Variants in SLC27A6 observed in about 807,000 individuals in gnomAD.
SLC27A6 encodes the protein long-chain fatty acid transport protein 6.
In SLC27A6, 74 loss-of-function variants were observed where a neutral mutation model predicts 63.9. The ratio of observed to expected loss-of-function variants is 1.16; its 90% confidence interval spans 0.96 to 1.40. The LOEUF (loss-of-function observed/expected upper bound fraction) is 1.40. SLC27A6 is among the 40% of genes most tolerant of loss of function. The pLI is 0.00. For missense variants in SLC27A6, 794 were observed against 732.9 expected (o/e 1.08, Z -0.96); for synonymous variants, 287 against 260.8 (o/e 1.10, Z -0.97).
chr5:129,003,828 T>C (rs1428260178), intron 4 of SLC27A6, among the ~76,000 whole-genome samples: 1 of 151,220 alleles, frequency 6.6e-6, no homozygotes, highest in Non-Finnish European at 1.5e-5. Context: ...ATTAGCTAGG[T>C]GTGGTGGTGC....
intron 3 of SLC27A6, among the ~76,000 whole-genome samples, chr5:128,989,448 A>G (rs912100013): frequency 6.6e-6 from 1 of 152,248 alleles, no homozygotes; most frequent in African/African-American, 2.4e-5. Context: ...AAAATGCTGT[A>G]ATTTTTAGAA....
Position 128,966,206 on chromosome 5 carries a change from G to A in SLC27A6, c.69G>A (p.Leu23=). Residue 23 remains leucine, a synonymous_variant, in exon 1 of 10, where the codon CTG becomes CTA. Transcript: ENST00000262462. ...MVVLHFLQKL[L]FPYFWDDFWF... is the part of the protein sequence containing the mutation. Reference sequence around the variant, plus strand: ...TCCTGCACTTCTTGCAGAAACTCCTGTTCCCTTACTTTTGGGATGACTTCT... The same window carrying A: ...TCCTGCACTTCTTGCAGAAACTCCTATTCCCTTACTTTTGGGATGACTTCT... The A allele has an allele frequency of 6.2e-7, 1 of 1,606,898 alleles. No homozygotes were observed. The highest frequency in any genetic ancestry group is 1.3e-5 in the African/African-American group (1 of 74,750).
intron 1 of SLC27A6, among the ~76,000 whole-genome samples, chr5:128,975,732 G>A (rs17699243): frequency 0.07 from 10,601 of 152,214 alleles, 1,221 homozygotes; most frequent in East Asian, 0.56. Flanking sequence ...ATATCATGAT[G>A]TGTATTTCTC....
Position 129,015,892 on chromosome 5 carries a change from G to A in SLC27A6, c.977G>A (p.Gly326Glu), listed in dbSNP as rs141840840. Residue 326 changes from glycine to glutamate, a missense_variant, in exon 5 of 10, where the codon GGA becomes GAA. Transcript: ENST00000262462. ...RYLCKQSKRE[G>E]EKDHKVRLAI... ...AACATTTTCTTCTAACAGAGAGAAG[G>A]AGAAAAGGATCATAAGGTGCGTTTG... 3.2e-6 allele frequency: 5 copies of A among 1,581,208 alleles called. No homozygotes were observed. The highest frequency in any genetic ancestry group is 4.3e-6 in the Non-Finnish European group (5 of 1,169,022).
chr5:128,994,140 C>A (rs1384165633), intron 4 of SLC27A6, among the ~76,000 whole-genome samples: 1 of 151,730 alleles, frequency 6.6e-6, no homozygotes, highest in Admixed American at 6.6e-5. Context: ...GCACTCCAGC[C>A]TGGGTGACAG....
chr5:129,023,629 A>G lies in SLC27A6; in HGVS notation c.1174A>G (p.Thr392Ala). 6.3e-7 allele frequency: 1 copy of G among 1,598,476 alleles called. No homozygotes were observed. The highest frequency in any genetic ancestry group is 1.4e-5 in the African/African-American group (1 of 73,606). Reference protein sequence around the residue: ...RTNLFYKLLSTFDLIKYDFQK... With the variant: ...RTNLFYKLLSAFDLIKYDFQK... ...ATTTTTTTTTTTGCAGCTTCTTTCC[A>G]CTTTTGACTTAATAAAGTATGACTT... The change falls in exon 6 of 10, where the codon ACT becomes GCT. Residue 392 changes from threonine to alanine, a missense_variant. Transcript: ENST00000262462.
chr5:128,986,514 T>C lies in SLC27A6; in HGVS notation c.685+1178T>C, dbSNP rs181642248. ...CAACTATTGCATAGTAAAATTTTTCTTACATTTTAAAAATCTATTCAGTTC... is the reference window on the plus strand; with the variant it reads ...CAACTATTGCATAGTAAAATTTTTCCTACATTTTAAAAATCTATTCAGTTC... On this transcript the variant is annotated intron_variant, in intron 2 of 9. Coordinates refer to ENST00000262462, the MANE Select transcript of SLC27A6 (RefSeq NM_001017372.3). Among the ~76,000 whole-genome samples the C allele has an allele frequency of 3.7e-4, 57 of 152,332 alleles. 1 individual carries two copies. In the East Asian group the frequency reaches 5.6e-3, roughly 15 times the overall value.
chr5:128,990,499 G>T, intron 4 of SLC27A6, 35 bp downstream of exon 4: 1 of 1,577,786 alleles, frequency 6.3e-7, no homozygotes, highest in Non-Finnish European at 8.6e-7. Flanking sequence ...AAATATGTCA[G>T]AAAGAATAAG....
intron 2 of SLC27A6, 105 bp downstream of exon 2, chr5:128,985,441 C>CA (rs1353518894): frequency 1.2e-6 from 1 of 836,136 alleles, no homozygotes; most frequent in Non-Finnish European, 1.9e-6. Flanking sequence ...TCTGAGAATG[C>CA]ATGCTTGCAA....
chr5:128,984,436 C>T (rs1388709936), intron 1 of SLC27A6, among the ~76,000 whole-genome samples: 1 of 152,214 alleles, frequency 6.6e-6, no homozygotes, highest in African/African-American at 2.4e-5. Context: ...CACAGATTAA[C>T]TCAACATAGT....
intron 4 of SLC27A6, among the ~76,000 whole-genome samples, chr5:128,990,815 G>T (rs899762169): frequency 2.6e-5 from 4 of 152,196 alleles, no homozygotes; most frequent in African/African-American, 9.6e-5. Flanking sequence ...TGGGCACTTA[G>T]CCATTCAGGA....
chr5:129,020,317 TG>T (rs1490865089), intron 5 of SLC27A6, among the ~76,000 whole-genome samples: 2 of 152,162 alleles, frequency 1.3e-5, no homozygotes, highest in African/African-American at 4.8e-5. Context: ...TGAAAAATCA[TG>T]GCCAACTTGA....
intron 5 of SLC27A6, among the ~76,000 whole-genome samples, chr5:129,017,619 G>A (rs1286089269): frequency 1.3e-5 from 2 of 151,966 alleles, no homozygotes; most frequent in African/African-American, 2.4e-5. Flanking sequence ...AAAGTAAATC[G>A]ATTCTGATTG....
Position 129,033,361 on chromosome 5 carries a change from A to C in SLC27A6, c.*79A>C. ...TATATGATTCTTTATGAAATGGGGA[A>C]AGGGAGCTAACATTAATTATGCATG... On this transcript the variant is annotated 3_prime_UTR_variant, in exon 10 of 10. Coordinates refer to ENST00000262462, the MANE Select transcript of SLC27A6 (RefSeq NM_001017372.3). 1.3e-6 allele frequency: 1 copy of C among 798,404 alleles called. No homozygotes were observed. The highest frequency in any genetic ancestry group is 2.3e-5 in the South Asian group (1 of 43,396). 49.5% of individuals were successfully genotyped at this position (798,404 alleles called of 1,614,324 possible). A position where few individuals can be genotyped will look rare whatever the true frequency, so the allele number is the denominator to read the frequency against.
intron 1 of SLC27A6, among the ~76,000 whole-genome samples, 183 bp from the exon 2 acceptor site, chr5:128,984,950 C>T (rs943665910): frequency 2.0e-4 from 30 of 152,192 alleles, no homozygotes; most frequent in African/African-American, 5.1e-4. Context: ...AACTAAATTT[C>T]CCTTTCAGTT....
chr5:129,028,768 G>A (rs753511919), intron 8 of SLC27A6, among the ~76,000 whole-genome samples: 16 of 150,602 alleles, frequency 1.1e-4, no homozygotes, highest in Non-Finnish European at 1.8e-4. Flanking sequence ...ACTGGTGTTT[G>A]TACATACCAC....
intron 5 of SLC27A6, among the ~76,000 whole-genome samples, chr5:129,021,576 C>G (rs1752076742): frequency 6.6e-6 from 1 of 152,138 alleles, no homozygotes. Flanking sequence ...AATGGGACCC[C>G]CTGCAGCTGT....
chr5:129,007,424 C>A (rs1751577540), intron 4 of SLC27A6, among the ~76,000 whole-genome samples: 1 of 123,932 alleles, frequency 8.1e-6, no homozygotes, highest in African/African-American at 3.1e-5. Flanking sequence ...GCCTGGGCGA[C>A]AGAGCGAGAC....
At chr5:128,990,581 T>C in intron 4 of SLC27A6, 117 bp downstream of exon 4, 1 of 1,097,912 alleles carries the variant, frequency 9.1e-7, no homozygotes. Context: ...GTCTTTGTTC[T>C]TAGAGCTTCC....
Sources: gnomAD v4.1 joint callset for allele counts (sites outside exome capture counted in the v4.1 genomes callset) on GRCh38, gnomAD v4.1.1 for gene constraint, MANE v1.5 for transcripts, NCBI Gene and HGNC (gene_info 2026-07-23, HGNC 2026-07-21) for gene names.